Variants in NAA11 observed in about 807,000 individuals in gnomAD.
NAA11 encodes the protein N-alpha-acetyltransferase 11, NatA catalytic subunit, also known as N-alpha-acetyltransferase 11.
In NAA11, 15 loss-of-function variants were observed where a neutral mutation model predicts 16.1. The ratio of observed to expected loss-of-function variants is 0.93; its 90% CI spans 0.62 to 1.44. NAA11 has a LOEUF of 1.44. Among genes scored for constraint, NAA11 ranks in the 40% most tolerant of loss-of-function variants. The pLI is 0.00. For missense variants in NAA11, 298 were observed against 291.3 expected (o/e 1.02, Z -0.17); for synonymous variants, 122 against 112.4 (o/e 1.09, Z -0.54).
At chr4:79,171,838 T>C in the NAA11 span, among the ~76,000 whole-genome samples, 10 of 152,176 alleles carry the variant, frequency 6.6e-5, no homozygotes, top group Admixed American at 5.9e-4. Flanking sequence ...TACTATAAAA[T>C]ACTGTTACCC....
At chr4:79,164,746 G>T in the NAA11 span, among the ~76,000 whole-genome samples, 4 of 152,106 alleles carry the variant, frequency 2.6e-5, no homozygotes, top group African/African-American at 9.7e-5. Context: ...TGCTCCCAAG[G>T]AACACAGAGT....
chr4:79,256,337 T>G (rs1055899954), intron 2 of NAA11, among the ~76,000 whole-genome samples: 1 of 152,086 alleles, frequency 6.6e-6, no homozygotes, highest in African/African-American at 2.4e-5. Flanking sequence ...GGGTAGGAAA[T>G]GTTCCTTGTA....
the NAA11 span, among the ~76,000 whole-genome samples, chr4:79,182,237 G>A: frequency 5.3e-5 from 8 of 152,138 alleles, no homozygotes; most frequent in African/African-American, 1.9e-4. Flanking sequence ...CAGAATAATA[G>A]CATAAATGTT....
intron 1 of NAA11, among the ~76,000 whole-genome samples, chr4:79,304,925 T>C (rs1374846389): frequency 1.3e-5 from 2 of 152,188 alleles, no homozygotes; most frequent in African/African-American, 4.8e-5. Flanking sequence ...CCAGGGTTCC[T>C]GTGGCAAGGA....
At chr4:79,161,828 G>T in the NAA11 span, among the ~76,000 whole-genome samples, 1 of 152,034 alleles carries the variant, frequency 6.6e-6, no homozygotes, top group Non-Finnish European at 1.5e-5. Context: ...GACTACTGGC[G>T]CATGCCACCA....
chr4:79,326,018 G>A lies in NAA11; in HGVS notation c.-141C>T, dbSNP rs952285354. On this transcript the variant is annotated 5_prime_UTR_variant, in exon 1 of 2. Transcript: ENST00000286794. ...CTGAATCGTGTGGAGGGCGGATGGC[G>A]GGAAGGCGGAAGGAGCAGGAGATGG... 23 of 693,246 alleles carry A rather than the reference G, an allele frequency of 3.3e-5. No individual in the cohort carries two copies. Among genetic ancestry groups the A allele is most frequent in the African/African-American group, 2.0e-4 (11 of 55,282 alleles). 42.9% of individuals were successfully genotyped at this position (693,246 alleles called of 1,614,324 possible). A position where few individuals can be genotyped will look rare whatever the true frequency, so the allele number is the denominator to read the frequency against.
At position 79,288,070 on chromosome 4, in the gene NAA11, T is replaced by C. The variant is rs115210890; in HGVS notation, c.*122+5935A>G. ...ATGAGAAGGCCCCTCACTTGCTAAG[T>C]AGCAGGCTTACAGAAGGAGACACTC... On this transcript the variant is annotated intron_variant and NMD_transcript_variant, in intron 2 of 2. Coordinates refer to the NAA11 transcript ENST00000511542. 4.1e-3 allele frequency among the ~76,000 whole-genome samples: 622 copies of C among 152,280 alleles called. 3 individuals carry two copies. Among genetic ancestry groups the C allele is most frequent in the African/African-American group, 0.014 (585 of 41,570 alleles).
downstream of NAA11, among the ~76,000 whole-genome samples, chr4:79,221,186 A>G (rs563489119): frequency 0.11 from 17,148 of 149,912 alleles, 1,186 homozygotes; most frequent in African/African-American, 0.18. Context: ...GTCTGTTGTT[A>G]GTGTATAAGA....
downstream of NAA11, among the ~76,000 whole-genome samples, chr4:79,314,895 CT>C (rs1450005794): frequency 1.1e-4 from 16 of 151,984 alleles, no homozygotes. Context: ...ACTATATACA[CT>C]TTTTTGTTGT....
chr4:79,222,226 C>T (rs1174610831), downstream of NAA11, among the ~76,000 whole-genome samples: 1 of 152,152 alleles, frequency 6.6e-6, no homozygotes, highest in African/African-American at 2.4e-5. Context: ...GTGACATCCC[C>T]TTTATCATTT....
chr4:79,277,447 T>C (rs1722680843), intron 2 of NAA11, among the ~76,000 whole-genome samples: 1 of 152,112 alleles, frequency 6.6e-6, no homozygotes, highest in African/African-American at 2.4e-5. Context: ...TTAAAAAGTT[T>C]GAAAAGAAAG....
chr4:79,216,112 A>G, the NAA11 span, among the ~76,000 whole-genome samples: 1 of 152,098 alleles, frequency 6.6e-6, no homozygotes, highest in Non-Finnish European at 1.5e-5. Flanking sequence ...TTTACTCTTT[A>G]TCTCAATTAT....
the NAA11 span, among the ~76,000 whole-genome samples, chr4:79,164,395 C>T: frequency 6.6e-6 from 1 of 152,168 alleles, no homozygotes; most frequent in African/African-American, 2.4e-5. Context: ...ATTCATGCTC[C>T]TTCAAAATTC....
intron 1 of NAA11, among the ~76,000 whole-genome samples, chr4:79,320,647 G>A (rs529493165): frequency 1.3e-5 from 2 of 152,278 alleles, no homozygotes; most frequent in East Asian, 1.9e-4. Context: ...AAAACAGTGC[G>A]TTTTCATAGT....
the NAA11 span, among the ~76,000 whole-genome samples, chr4:79,206,683 T>A: frequency 6.6e-6 from 1 of 152,128 alleles, no homozygotes; most frequent in African/African-American, 2.4e-5. Flanking sequence ...AGTTCTAAGT[T>A]GCTAGCCAGT....
intron 2 of NAA11, chr4:79,227,783 C>A (rs1721353918): frequency 6.6e-6 from 1 of 151,976 alleles, no homozygotes; most frequent in African/African-American, 2.4e-5. Context: ...ACAAGGCCAT[C>A]CCACTGACTC....
At chr4:79,288,126 C>T (rs1722989862) in intron 2 of NAA11, among the ~76,000 whole-genome samples, 1 of 152,168 alleles carries the variant, frequency 6.6e-6, no homozygotes, top group South Asian at 2.1e-4. Context: ...AGAAGATTCT[C>T]TTTCTTCTCT....
the NAA11 span, among the ~76,000 whole-genome samples, chr4:79,193,072 G>T: frequency 6.6e-6 from 1 of 151,192 alleles, no homozygotes; most frequent in Non-Finnish European, 1.5e-5. Context: ...TTTTGATGGG[G>T]TTGTTTTTTT....
At chr4:79,257,926 T>A (rs1722157158) in intron 2 of NAA11, among the ~76,000 whole-genome samples, 1 of 152,246 alleles carries the variant, frequency 6.6e-6, no homozygotes, top group African/African-American at 2.4e-5. Flanking sequence ...TGTAATCATG[T>A]ACAACATGAG....
Sources: gnomAD v4.1 joint callset for allele counts (sites outside exome capture counted in the v4.1 genomes callset) on GRCh38, gnomAD v4.1.1 for gene constraint, MANE v1.5 for transcripts, NCBI Gene and HGNC (gene_info 2026-07-23, HGNC 2026-07-21) for gene names.